Variants in BIRC5 observed in about 807,000 individuals in gnomAD.
The protein encoded by BIRC5 is baculoviral IAP repeat-containing protein 5.
In BIRC5, 8 loss-of-function variants were observed where a neutral mutation model predicts 15.8. The observed-to-expected ratio is 0.51, with a 90% confidence interval of 0.30 to 0.91. The LOEUF is 0.91. BIRC5 is among the 40% of genes least tolerant of loss of function. BIRC5 has a pLI of 0.07. For synonymous variants in BIRC5, 56 were observed against 64.5 expected, an observed-to-expected ratio of 0.87 and a Z score of 0.63; for missense variants, 163 against 178.6, an observed-to-expected ratio of 0.91 and a Z score of 0.50.
chr17:78,217,784 A>G (rs1441154943), intron 3 of BIRC5, among the ~76,000 whole-genome samples: 4 of 151,944 alleles, frequency 2.6e-5, no homozygotes, highest in African/African-American at 9.7e-5. Flanking sequence ...GGTGTGAGCC[A>G]CCACACCCGG....
rs761692199 is a variant in BIRC5, at chr17:78,223,665, G to C, written c.*111G>C. 7.2e-5 allele frequency: 110 copies of C among 1,537,548 alleles called. No individual in the cohort carries two copies. Among genetic ancestry groups the C allele is most frequent in the Non-Finnish European group, 9.6e-5 (109 of 1,140,538 alleles). On this transcript the variant is annotated 3_prime_UTR_variant, in exon 4 of 4. Transcript: ENST00000350051. ...CCCTTAGCAATGTCTTAGGAAAGGA[G>C]ATCAACATTTTCAAATTAGATGTTT...
chr17:78,219,014 T>C (rs1202940362), intron 3 of BIRC5, among the ~76,000 whole-genome samples: 4 of 152,096 alleles, frequency 2.6e-5, no homozygotes, highest in Admixed American at 6.6e-5. Context: ...TCAGGAGATG[T>C]TGTAGTTCTG....
At chr17:78,214,471 C>T in intron 1 of BIRC5, 44 bp downstream of exon 1, 1 of 1,484,656 alleles carries the variant, frequency 6.7e-7, no homozygotes, top group Non-Finnish European at 9.0e-7. Context: ...CCCGCCTTGC[C>T]CTGTCCCTAG....
At position 78,223,494 on chromosome 17, in the gene BIRC5, A is replaced by G; in HGVS notation, c.369A>G (p.Glu123=). The G allele has an allele frequency of 6.2e-7, 1 of 1,605,672 alleles. No individual in the cohort carries two copies. Among genetic ancestry groups the G allele is most frequent in the South Asian group, 1.1e-5 (1 of 89,444 alleles). The part of the protein sequence containing the change: ...IAKETNNKKK[E]FEETAEKVRR... ...AGGAAACCAACAATAAGAAGAAAGA[A>G]TTTGAGGAAACTGCGGAGAAAGTGC... Residue 123 remains glutamate, a synonymous_variant, in exon 4 of 4, where the codon GAA becomes GAG. Coordinates refer to ENST00000350051, the MANE Select transcript of BIRC5 (RefSeq NM_001168.3).
rs1304622548 is a variant in BIRC5, at chr17:78,224,626, T to A, written c.*1072T>A. The A allele has an allele frequency of 6.6e-6, 1 of 152,262 alleles. No individual in the cohort carries two copies. The highest frequency in any genetic ancestry group is 1.5e-5 in the Non-Finnish European group (1 of 68,048). 9.4% of individuals were successfully genotyped at this position (152,262 alleles called of 1,614,324 possible). A position where few individuals can be genotyped will look rare whatever the true frequency, so the allele number is the denominator to read the frequency against. ...CCTGTCATAGAGCTGCAGGGTGGAT[T>A]GTTACAGCTTCGCTGGAAACCTCTG... On this transcript the variant is annotated 3_prime_UTR_variant, in exon 4 of 4. Coordinates refer to ENST00000350051, the MANE Select transcript of BIRC5 (RefSeq NM_001168.3).
At chr17:78,222,173 G>T (rs1291009250) in intron 3 of BIRC5, among the ~76,000 whole-genome samples, 1 of 150,020 alleles carries the variant, frequency 6.7e-6, no homozygotes, top group Non-Finnish European at 1.5e-5. Flanking sequence ...CTGCATTCCA[G>T]CCTGGATGAC....
chr17:78,214,587 C>T lies in BIRC5; in HGVS notation c.112-93C>T, dbSNP rs1371321651. On this transcript the variant is annotated intron_variant, in intron 1 of 3. Transcript: ENST00000350051. ...GGCCCCTTGGGTCCAGGCCGGCCTC[C>T]CCTCCCTGCTTTGTCCCCATCGAGG... 2.3e-6 allele frequency: 3 copies of T among 1,330,990 alleles called. No homozygotes were observed. The East Asian group carries it at 7.6e-5, about 34-fold the overall frequency. The allele number at this position is 1,330,990 out of a possible 1,614,324, so 82.4% of individuals were successfully genotyped here. A position where few individuals can be genotyped will look rare whatever the true frequency, so the allele number is the denominator to read the frequency against.
chr17:78,225,430 G>A lies in BIRC5; in HGVS notation c.*1876G>A, dbSNP rs899573735. On this transcript the variant is annotated 3_prime_UTR_variant, in exon 4 of 4. Transcript: ENST00000350051. Reference sequence around the variant, plus strand: ...TAAGTTGGAGTGGAGTCTGGGAAGGGTTGTGAATGAGGCTTCTGGGCTATG... The same window carrying A: ...TAAGTTGGAGTGGAGTCTGGGAAGGATTGTGAATGAGGCTTCTGGGCTATG... The A allele has an allele frequency of 1.3e-5, 2 of 152,254 alleles. No individual in the cohort carries two copies. Among genetic ancestry groups the A allele is most frequent in the Admixed American group, 1.3e-4 (2 of 15,284 alleles). 9.4% of individuals were successfully genotyped at this position (152,254 alleles called of 1,614,324 possible).
chr17:78,222,873 G>C (rs1374281633), intron 3 of BIRC5: 1 of 1,536,110 alleles, frequency 6.5e-7, no homozygotes, highest in Non-Finnish European at 8.7e-7. Flanking sequence ...GCCAGATTCA[G>C]GGAGGGACTG....
chr17:78,223,060 C>T (rs28445610), intron 3 of BIRC5: 10,726 of 571,116 alleles, frequency 0.019, 188 homozygotes, highest in Non-Finnish European at 0.021. Context: ...CTGGGGTGCC[C>T]AGACTAGCTG....
chr17:78,223,668 C>G lies in BIRC5; in HGVS notation c.*114C>G. 1.3e-6 allele frequency: 2 copies of G among 1,529,020 alleles called. No individual in the cohort carries two copies. The highest frequency in any genetic ancestry group is 2.5e-5 in the South Asian group (2 of 79,438). 94.7% of individuals were successfully genotyped at this position (1,529,020 alleles called of 1,614,324 possible). On this transcript the variant is annotated 3_prime_UTR_variant, in exon 4 of 4. Coordinates refer to ENST00000350051, the MANE Select transcript of BIRC5 (RefSeq NM_001168.3). ...TTAGCAATGTCTTAGGAAAGGAGAT[C>G]AACATTTTCAAATTAGATGTTTCAA...
chr17:78,216,941 G>A (rs191424447), intron 3 of BIRC5, among the ~76,000 whole-genome samples, 160 bp downstream of exon 3: 84 of 150,540 alleles, frequency 5.6e-4, no homozygotes, highest in Non-Finnish European at 7.8e-4. Context: ...GTGCAATGGT[G>A]CAATCTTGGC....
Position 78,216,717 on chromosome 17 carries a change from A to G in BIRC5, c.275A>G (p.Gln92Arg), listed in dbSNP as rs2076480886. The part of the protein sequence containing the change: ...SGCAFLSVKK[Q>R]FEELTLGEFL... ...TGCGCTTTCCTTTCTGTCAAGAAGCAGTTTGAAGAATTAACCCTTGGTGAA... is the reference window on the plus strand; with the variant it reads ...TGCGCTTTCCTTTCTGTCAAGAAGCGGTTTGAAGAATTAACCCTTGGTGAA... Residue 92 changes from glutamine to arginine, a missense_variant, in exon 3 of 4, where the codon CAG (glutamine) becomes CGG (arginine). Gln to Arg is a conservative substitution (Grantham distance 43, BLOSUM62 1). Transcript: ENST00000350051. 6.2e-7 allele frequency: 1 copy of G among 1,614,120 alleles called. No homozygotes were observed. The highest frequency in any genetic ancestry group is 1.7e-5 in the Admixed American group (1 of 60,012).
At chr17:78,214,920 C>G in intron 2 of BIRC5, 131 bp downstream of exon 2, 1 of 815,886 alleles carries the variant, frequency 1.2e-6, no homozygotes, top group South Asian at 1.5e-5. Context: ...CTGTTGTGAA[C>G]GGATACCTCT....
At chr17:78,217,080 A>G (rs2076483794) in intron 3 of BIRC5, among the ~76,000 whole-genome samples, 1 of 151,656 alleles carries the variant, frequency 6.6e-6, no homozygotes, top group Admixed American at 6.6e-5. Flanking sequence ...GGGTTTCACC[A>G]CATTGCCCAG....
chr17:78,220,880 A>G (rs978675138), intron 3 of BIRC5, among the ~76,000 whole-genome samples: 2 of 151,944 alleles, frequency 1.3e-5, no homozygotes, highest in African/African-American at 4.8e-5. Flanking sequence ...GTGTTGCGCT[A>G]TACAAATCCT....
intron 2 of BIRC5, among the ~76,000 whole-genome samples, chr17:78,215,567 T>G (rs1280951281): frequency 6.6e-6 from 1 of 152,232 alleles, no homozygotes; most frequent in Non-Finnish European, 1.5e-5. Context: ...TATTCTTTTC[T>G]CACCTTTTTT....
At position 78,216,789 on chromosome 17, in the gene BIRC5, T is replaced by C; in HGVS notation, c.339+8T>C. On this transcript the variant is annotated splice_region_variant and intron_variant, in intron 3 of 3. Coordinates refer to ENST00000350051, the MANE Select transcript of BIRC5 (RefSeq NM_001168.3). Reference sequence around the variant, plus strand: ...AGAGCCAAGAACAAAATTGTATGTATTGGGAATAAGAACTGCTCAAACCCT... The same window carrying C: ...AGAGCCAAGAACAAAATTGTATGTACTGGGAATAAGAACTGCTCAAACCCT... The C allele has an allele frequency of 6.2e-7, 1 of 1,605,384 alleles. No individual in the cohort carries two copies. The highest frequency in any genetic ancestry group is 8.5e-7 in the Non-Finnish European group (1 of 1,173,238).
chr17:78,223,082 CTAGCTGGG>C, intron 3 of BIRC5: 1 of 1,161,994 alleles, frequency 8.6e-7, no homozygotes, highest in South Asian at 1.8e-5. Flanking sequence ...GGTGCCTAGA[CTAGCTGGG>C]TACTTTGAGT....
Sources: gnomAD v4.1 joint callset for allele counts (sites outside exome capture counted in the v4.1 genomes callset) on GRCh38, gnomAD v4.1.1 for gene constraint, MANE v1.5 for transcripts, NCBI Gene and HGNC (gene_info 2026-07-23, HGNC 2026-07-21) for gene names.